The following DLGAP2 variants were observed in gnomAD, a reference collection of about 807,000 sequenced individuals.
DLGAP2 encodes DLG associated protein 2.
In DLGAP2, 26 loss-of-function variants were observed where a neutral mutation model predicts 100.3. The observed-to-expected ratio is 0.26, with a 90% CI of 0.19 to 0.36. The LOEUF (loss-of-function observed/expected upper bound fraction) is 0.36, where lower values mean the gene tolerates loss of function less well. Ranked by LOEUF, DLGAP2 falls within the 10% of genes least tolerant of loss-of-function variation. The probability of loss-of-function intolerance (pLI) is 1.00; values close to 1 mark genes in which losing one functional copy is unlikely to be tolerated. For missense variants in DLGAP2, 1,858 were observed against 1,453.2 expected (o/e 1.28, Z -4.53); for synonymous variants, 886 against 630.1 (o/e 1.41, Z -6.08).
intron 2 of DLGAP2, among the ~76,000 whole-genome samples, chr8:1,203,538 C>T (rs1312364805): frequency 6.6e-6 from 1 of 152,042 alleles, no homozygotes; most frequent in Non-Finnish European, 1.5e-5. Flanking sequence ...CTCTGTGGAA[C>T]AGATGCTAAA....
Position 986,150 on chromosome 8 carries a change from T to C in DLGAP2, c.73+78184T>C, listed in dbSNP as rs532019765. Among the ~76,000 whole-genome samples the C allele has an allele frequency of 2.1e-4, 32 of 152,044 alleles. 1 individual carries two copies. The highest frequency in any genetic ancestry group is 6.5e-4 in the African/African-American group (27 of 41,470). Reference sequence around the variant, plus strand: ...CTGGAAGCTCTTCATAGCTCACTTATTAGTAGGGAGTGTGACTGGTTGGGA... The same window carrying C: ...CTGGAAGCTCTTCATAGCTCACTTACTAGTAGGGAGTGTGACTGGTTGGGA... On this transcript the variant is annotated intron_variant, in intron 2 of 14. Coordinates refer to ENST00000637795, the MANE Select transcript of DLGAP2 (RefSeq NM_001346810.2).
intron 2 of DLGAP2, among the ~76,000 whole-genome samples, chr8:1,000,665 T>G (rs1800929290): frequency 1.3e-5 from 2 of 152,242 alleles, no homozygotes; most frequent in South Asian, 4.1e-4. Flanking sequence ...TTATGAACTG[T>G]CCGGTATTAC....
chr8:1,068,021 C>G (rs1043468857), intron 2 of DLGAP2, among the ~76,000 whole-genome samples: 3 of 152,212 alleles, frequency 2.0e-5, no homozygotes, highest in African/African-American at 4.8e-5. Context: ...ATAGTTTTGC[C>G]TTTTCCAGAA....
At chr8:1,232,796 G>T (rs1004402380) in intron 2 of DLGAP2, among the ~76,000 whole-genome samples, 6 of 152,362 alleles carry the variant, frequency 3.9e-5, no homozygotes, top group Middle Eastern at 3.4e-3. Flanking sequence ...TTATTGAAGT[G>T]TAGTAAACGT....
At chr8:1,585,710 G>C (rs942486084) in intron 6 of DLGAP2, among the ~76,000 whole-genome samples, 1 of 152,188 alleles carries the variant, frequency 6.6e-6, no homozygotes, top group African/African-American at 2.4e-5. Flanking sequence ...CCACCACCCA[G>C]CCGTGGGCAG....
chr8:1,515,676 GACAC>G lies in DLGAP2; in HGVS notation c.172+14251_172+14254del, dbSNP rs67550486. 4.1e-3 allele frequency among the ~76,000 whole-genome samples: 621 copies of G among 152,038 alleles called. 4 individuals are homozygous for G. Among genetic ancestry groups the G allele is most frequent in the African/African-American group, 5.1e-3 (213 of 41,426 alleles). On this transcript the variant is annotated intron_variant, in intron 4 of 14. Transcript: ENST00000637795. Reference sequence around the variant, plus strand: ...CATGAAATATACACATACACATGTTGACACACACAACATGCACAAATATGCAGAC... The same window carrying G: ...CATGAAATATACACATACACATGTTGACACAACATGCACAAATATGCAGAC...
intron 6 of DLGAP2, among the ~76,000 whole-genome samples, chr8:1,571,922 TG>T (rs1460510569): frequency 1.0e-5 from 1 of 95,548 alleles, no homozygotes; most frequent in Admixed American, 1.1e-4. Context: ...GGGTAAACTG[TG>T]GGGGCGTCTG....
chr8:1,452,974 G>T (rs1798203424), intron 3 of DLGAP2, among the ~76,000 whole-genome samples: 1 of 152,220 alleles, frequency 6.6e-6, no homozygotes, highest in Non-Finnish European at 1.5e-5. Flanking sequence ...CAGGTGTTAT[G>T]GATGGGAAGG....
At chr8:1,318,634 C>T (rs1273364715) in intron 3 of DLGAP2, among the ~76,000 whole-genome samples, 2 of 151,770 alleles carry the variant, frequency 1.3e-5, no homozygotes, top group Admixed American at 6.6e-5. Context: ...TCTCATGTTA[C>T]GAAAATGGGA....
intron 2 of DLGAP2, among the ~76,000 whole-genome samples, chr8:948,319 C>T (rs1463539544): frequency 6.6e-6 from 1 of 152,216 alleles, no homozygotes; most frequent in Non-Finnish European, 1.5e-5. Flanking sequence ...TCATGCGTGT[C>T]GCCTGCGGGC....
intron 2 of DLGAP2, among the ~76,000 whole-genome samples, chr8:941,636 T>C (rs1214580126): frequency 2.0e-5 from 3 of 152,192 alleles, no homozygotes; most frequent in Non-Finnish European, 4.4e-5. Context: ...GAAGTGTGCA[T>C]TTCAATCTGC....
chr8:1,237,225 A>T (rs1380442956), intron 2 of DLGAP2, among the ~76,000 whole-genome samples: 3 of 127,646 alleles, frequency 2.4e-5, no homozygotes, highest in African/African-American at 6.7e-5. Context: ...TAGTTCTCTC[A>T]CATGGCGCCG....
intron 3 of DLGAP2, among the ~76,000 whole-genome samples, chr8:1,411,120 C>G (rs1021576803): frequency 6.6e-6 from 1 of 152,144 alleles, no homozygotes; most frequent in Admixed American, 6.5e-5. Context: ...GTCGTGGTCT[C>G]TTGTTCTGGA....
chr8:1,361,649 G>A (rs1801984555), intron 3 of DLGAP2, among the ~76,000 whole-genome samples: 1 of 152,224 alleles, frequency 6.6e-6, no homozygotes, highest in Admixed American at 6.5e-5. Context: ...GCCCCCCTGG[G>A]TCTGACTATT....
intron 2 of DLGAP2, among the ~76,000 whole-genome samples, chr8:930,256 G>A (rs1452377054): frequency 6.6e-6 from 1 of 152,196 alleles, no homozygotes; most frequent in African/African-American, 2.4e-5. Flanking sequence ...TTCTCCTCTT[G>A]GTTGATCATG....
At chr8:1,651,048 G>A (rs993096775) in intron 8 of DLGAP2, among the ~76,000 whole-genome samples, 2 of 151,982 alleles carry the variant, frequency 1.3e-5, no homozygotes, top group African/African-American at 4.8e-5. Flanking sequence ...GATTACATGG[G>A]GAATAATATG....
intron 2 of DLGAP2, among the ~76,000 whole-genome samples, chr8:1,257,747 C>T (rs1489066541): frequency 3.3e-5 from 5 of 152,110 alleles, no homozygotes; most frequent in South Asian, 4.1e-4. Flanking sequence ...CCAGCGCTGA[C>T]GTGGAAGAGC....
intron 2 of DLGAP2, among the ~76,000 whole-genome samples, chr8:1,080,952 G>A (rs986612059): frequency 6.6e-5 from 10 of 152,112 alleles, no homozygotes; most frequent in South Asian, 2.1e-4. Context: ...AGAAGCCATC[G>A]ATATCTTGAT....
intron 2 of DLGAP2, among the ~76,000 whole-genome samples, chr8:1,130,693 G>A (rs1307666307): frequency 2.6e-5 from 4 of 152,254 alleles, no homozygotes; most frequent in Non-Finnish European, 1.5e-5. Context: ...CCAGCAACCA[G>A]CCTCTTCCTC....
Sources: gnomAD v4.1 joint callset for allele counts (sites outside exome capture counted in the v4.1 genomes callset) on GRCh38, gnomAD v4.1.1 for gene constraint, MANE v1.5 for transcripts, NCBI Gene and HGNC (gene_info 2026-07-23, HGNC 2026-07-21) for gene names.